The following EPHA5 variants were observed in gnomAD, a reference collection of about 807,000 sequenced individuals.
EPHA5 encodes the protein EPH receptor A5.
Under a neutral mutation model 105.0 loss-of-function variants are expected in EPHA5, and 60 were observed. The ratio of observed to expected loss-of-function variants is 0.57; its 90% confidence interval spans 0.46 to 0.71. The LOEUF (loss-of-function observed/expected upper bound fraction) is 0.71. Ranked by LOEUF, EPHA5 falls within the 30% of genes least tolerant of loss-of-function variation. The pLI is 0.00. For synonymous variants in EPHA5, 513 were observed against 449.1 expected (o/e 1.14, Z -1.80); for missense variants, 1,218 against 1,274.7 (o/e 0.96, Z 0.68).
intron 3 of EPHA5, among the ~76,000 whole-genome samples, chr4:65,543,093 T>A (rs1431161365): frequency 1.3e-5 from 2 of 152,172 alleles, no homozygotes; most frequent in Non-Finnish European, 2.9e-5. Context: ...GAGCTATTTA[T>A]TGCAAACCTA....
At chr4:65,471,085 T>TAGA (rs1486641570) in intron 5 of EPHA5, among the ~76,000 whole-genome samples, 9 of 152,198 alleles carry the variant, frequency 5.9e-5, no homozygotes, top group Non-Finnish European at 8.8e-5. Context: ...TTTGTTCTGA[T>TAGA]CATGAGGCAT....
intron 3 of EPHA5, among the ~76,000 whole-genome samples, chr4:65,576,006 GAAAGAAAGAAAGAA>G: frequency 1.5e-5 from 1 of 64,662 alleles, no homozygotes; most frequent in African/African-American, 5.6e-5. Flanking sequence ...GAGAGAGAAA[GAAAGAAAGAAAGAA>G]AGAAAGAAAG....
At position 65,540,878 on chromosome 4, in the gene EPHA5, AC is replaced by A. The variant is rs1312699562; in HGVS notation, c.911-45336del. Reference sequence around the variant, plus strand: ...CAGTCAATTTTATAAAAAAAAAAAAACAAAAATCATTTCTGAAGTGTTTGGC... The same window carrying A: ...CAGTCAATTTTATAAAAAAAAAAAAAAAAAATCATTTCTGAAGTGTTTGGC... On this transcript the variant is annotated intron_variant, in intron 3 of 16. Coordinates refer to ENST00000613740, the MANE Select transcript of EPHA5 (RefSeq NM_001281766.3). Among the ~76,000 whole-genome samples, 546 of 146,120 alleles carry A rather than the reference AC, an allele frequency of 3.7e-3. 3 individuals carry two copies. Among genetic ancestry groups the A allele is most frequent in the African/African-American group, 0.013 (501 of 40,024 alleles).
At chr4:65,331,499 T>C (rs1577827711) in intron 16 of EPHA5, 1 of 1,051,672 alleles carries the variant, frequency 9.5e-7, no homozygotes, top group East Asian at 5.4e-5. Context: ...AGAAATTAAA[T>C]GAGATCCTGC....
intron 15 of EPHA5, among the ~76,000 whole-genome samples, chr4:65,334,617 C>A (rs1228712870): frequency 6.6e-6 from 1 of 151,878 alleles, no homozygotes. Flanking sequence ...TCAGGATATG[C>A]ACATGACTGA....
chr4:65,399,014 C>T (rs1721537331), intron 8 of EPHA5, among the ~76,000 whole-genome samples: 1 of 152,146 alleles, frequency 6.6e-6, no homozygotes, highest in Non-Finnish European at 1.5e-5. Flanking sequence ...CGCCTCTCAA[C>T]TACACTCACC....
intron 3 of EPHA5, among the ~76,000 whole-genome samples, chr4:65,508,861 G>C (rs867526806): frequency 6.6e-6 from 1 of 152,014 alleles, no homozygotes; most frequent in South Asian, 2.1e-4. Flanking sequence ...AGTCTTCTTG[G>C]AGTAGCATAT....
At chr4:65,352,809 A>T (rs80018043) in intron 12 of EPHA5, among the ~76,000 whole-genome samples, 12,412 of 149,096 alleles carry the variant, frequency 0.083, 590 homozygotes, top group Middle Eastern at 0.14. Context: ...AAATTAAGAC[A>T]TACTTAAATA....
At chr4:65,657,598 C>A (rs1052984152) in intron 1 of EPHA5, among the ~76,000 whole-genome samples, 1 of 152,186 alleles carries the variant, frequency 6.6e-6, no homozygotes, top group South Asian at 2.1e-4. Context: ...TAGTTGGTAA[C>A]TTTTCAGTTT....
intron 16 of EPHA5, 69 bp downstream of exon 16, chr4:65,331,903 TC>T: frequency 6.5e-7 from 1 of 1,539,176 alleles, no homozygotes. Flanking sequence ...CCTTACCTCA[TC>T]CAGATTGGTT....
chr4:65,348,865 G>T (rs1432482775), intron 13 of EPHA5, among the ~76,000 whole-genome samples: 2 of 128,774 alleles, frequency 1.6e-5, no homozygotes, highest in Admixed American at 9.4e-5. Context: ...TCCTAGGCTG[G>T]AGTGCAGTGG....
At chr4:65,439,944 A>T (rs1236407790) in intron 5 of EPHA5, among the ~76,000 whole-genome samples, 1 of 152,126 alleles carries the variant, frequency 6.6e-6, no homozygotes, top group East Asian at 1.9e-4. Context: ...TATCATGTTA[A>T]TTATGTGGTA....
intron 2 of EPHA5, among the ~76,000 whole-genome samples, chr4:65,618,146 T>A: frequency 6.6e-6 from 1 of 152,116 alleles, no homozygotes; most frequent in African/African-American, 2.4e-5. Context: ...TGTCTTCCAC[T>A]TACCACCAGA....
intron 3 of EPHA5, among the ~76,000 whole-genome samples, chr4:65,559,211 T>C (rs1226145068): frequency 6.6e-6 from 1 of 152,184 alleles, no homozygotes; most frequent in Non-Finnish European, 1.5e-5. Flanking sequence ...CTTTTTAAAA[T>C]GTATTTATTG....
At chr4:65,537,253 T>G (rs998772100) in intron 3 of EPHA5, among the ~76,000 whole-genome samples, 3 of 151,888 alleles carry the variant, frequency 2.0e-5, no homozygotes, top group Non-Finnish European at 4.4e-5. Flanking sequence ...TGGAACATTA[T>G]TGTCTTACAG....
At chr4:65,556,533 ATGTATT>A (rs1210905726) in intron 3 of EPHA5, among the ~76,000 whole-genome samples, 1 of 152,176 alleles carries the variant, frequency 6.6e-6, no homozygotes, top group Non-Finnish European at 1.5e-5. Context: ...ATGACTAACA[ATGTATT>A]TGTGTTTAGT....
chr4:65,584,722 T>C (rs894902076), intron 3 of EPHA5, among the ~76,000 whole-genome samples: 5 of 151,976 alleles, frequency 3.3e-5, no homozygotes, highest in Non-Finnish European at 5.9e-5. Context: ...TTAATGGAAA[T>C]ATTTAGTATT....
At chr4:65,557,883 CTTT>C (rs778404246) in intron 3 of EPHA5, among the ~76,000 whole-genome samples, 1 of 143,684 alleles carries the variant, frequency 7.0e-6, no homozygotes, top group Non-Finnish European at 1.5e-5. Context: ...AGGTAAAATT[CTTT>C]TTTTTTTTTT....
chr4:65,450,598 T>C (rs980034611), intron 5 of EPHA5, among the ~76,000 whole-genome samples: 2 of 152,202 alleles, frequency 1.3e-5, no homozygotes, highest in Non-Finnish European at 2.9e-5. Context: ...ACTATAAATA[T>C]CTTTTCTCCA....
Sources: allele counts gnomAD v4.1 joint callset (sites outside exome capture counted in the v4.1 genomes callset), GRCh38; gene constraint gnomAD v4.1.1; transcripts MANE v1.5; gene names NCBI Gene and HGNC (gene_info 2026-07-23, HGNC 2026-07-21).